The following TNFSF14 variants were observed in gnomAD, a reference collection of about 807,000 sequenced individuals.
TNFSF14 encodes TNF superfamily member 14.
TNFSF14 carries 15 observed loss-of-function variants against 22.7 expected under a neutral mutation model. That is an observed-to-expected ratio of 0.66 (90% confidence interval 0.44 to 1.02). The LOEUF (loss-of-function observed/expected upper bound fraction) is 1.02, where lower values mean the gene tolerates loss of function less well. Ranked by LOEUF, TNFSF14 falls within the 50% of genes least tolerant of loss-of-function variation. The probability of loss-of-function intolerance (pLI) is 0.00; values close to 1 mark genes in which losing one functional copy is unlikely to be tolerated. For missense variants in TNFSF14, 287 were observed against 326.2 expected (o/e 0.88, Z 0.93); for synonymous variants, 133 against 139.6 (o/e 0.95, Z 0.33).
In TNFSF14 at chr19:6,663,722, G is replaced by C. The variant is rs1917319397; in HGVS notation, c.*1204C>G. Reference sequence around the variant, plus strand: ...TGATTGTGTGGTTGTGCATGAATCTGGCACTTCGCGTGTATGAGTCTATAG... The same window carrying C: ...TGATTGTGTGGTTGTGCATGAATCTCGCACTTCGCGTGTATGAGTCTATAG... On this transcript the variant is annotated 3_prime_UTR_variant, in exon 4 of 4. Transcript: ENST00000675206. The C allele has an allele frequency of 6.6e-6, 1 of 152,496 alleles. No individual in the cohort carries two copies. Among genetic ancestry groups the C allele is most frequent in the African/African-American group, 2.4e-5 (1 of 41,450 alleles). 9.4% of individuals were successfully genotyped at this position (152,496 alleles called of 1,614,324 possible).
Position 6,664,973 on chromosome 19 carries a change from G to T in TNFSF14, c.676C>A (p.Arg226=), listed in dbSNP as rs371136658. The change falls in exon 4 of 4, where the codon CGA becomes AGA. Residue 226 remains arginine (R), a synonymous_variant. Coordinates refer to ENST00000675206, the MANE Select transcript of TNFSF14 (RefSeq NM_001376887.1). The surrounding 1 kb of genome is among the most constrained non-coding windows in gnomAD (Gnocchi z 4.7). ...VVRVLDERLV[R]LRDGTRSYFG... ...TAAGACCGGGTACCATCACGCAGTC[G>T]AACCAGGCGTTCATCCAGCACACGG... is the stretch of plus-strand genomic sequence containing the variant. The T allele has an allele frequency of 1.4e-4, 233 of 1,610,504 alleles. No homozygotes were observed. Among genetic ancestry groups the T allele is most frequent in the Non-Finnish European group, 1.9e-4 (218 of 1,177,372 alleles).
intron 3 of TNFSF14, among the ~76,000 whole-genome samples, chr19:6,665,784 C>CGTGTGCGTGT (rs1555681878): frequency 7.1e-6 from 1 of 140,564 alleles, no homozygotes; most frequent in African/African-American, 2.7e-5. Context: ...TGCATGTGTG[C>CGTGTGCGTGT]GTGTGTGTGT....
chr19:6,664,868 G>A lies in TNFSF14; in HGVS notation c.*58C>T. The A allele has an allele frequency of 5.3e-6, 8 of 1,519,332 alleles. No individual in the cohort carries two copies. Among genetic ancestry groups the A allele is most frequent in the Non-Finnish European group, 7.1e-6 (8 of 1,130,920 alleles). 94.1% of individuals were successfully genotyped at this position (1,519,332 alleles called of 1,614,324 possible). ...GCTTCGTGAGTTTTCTTTCCCCTGA[G>A]GCACCCTCTGAGTTCTCCACGTGTC... On this transcript the variant is annotated 3_prime_UTR_variant, in exon 4 of 4. Coordinates refer to ENST00000675206, the MANE Select transcript of TNFSF14 (RefSeq NM_001376887.1). This position sits in a 1 kb window ranked among gnomAD's most constrained non-coding sequence, Gnocchi z 4.7.
chr19:6,670,340 G>C, upstream of TNFSF14: 1 of 1,213,782 alleles, frequency 8.2e-7, no homozygotes, highest in Non-Finnish European at 1.1e-6. Context: ...GGCAAGTGCA[G>C]TGGGGAGCCC....
Position 6,663,383 on chromosome 19 carries a change from T to C in TNFSF14, c.*1543A>G, listed in dbSNP as rs1917301684. 1 of 152,208 alleles carries C rather than the reference T, an allele frequency of 6.6e-6. No homozygotes were observed. Among genetic ancestry groups the C allele is most frequent in the Non-Finnish European group, 1.5e-5 (1 of 68,090 alleles). The allele number at this position is 152,208 out of a possible 1,614,324, so 9.4% of individuals were successfully genotyped here. ...GTGATGTGTGTGTAATGTGTGTTTGTCATCGTGATGTTGTGTGTGTAATGT... is the reference window on the plus strand; with the variant it reads ...GTGATGTGTGTGTAATGTGTGTTTGCCATCGTGATGTTGTGTGTGTAATGT... On this transcript the variant is annotated 3_prime_UTR_variant, in exon 4 of 4. Coordinates refer to ENST00000675206, the MANE Select transcript of TNFSF14 (RefSeq NM_001376887.1).
At position 6,664,114 on chromosome 19, in the gene TNFSF14, G is replaced by C. The variant is rs1917332638; in HGVS notation, c.*812C>G. Reference sequence around the variant, plus strand: ...AGGTGTGGCCACCAGTCTGTGGGTGGGATCTGAGTATGTGGGGTGGGGCTG... The same window carrying C: ...AGGTGTGGCCACCAGTCTGTGGGTGCGATCTGAGTATGTGGGGTGGGGCTG... On this transcript the variant is annotated 3_prime_UTR_variant, in exon 4 of 4. Transcript: ENST00000675206. The surrounding 1 kb of genome is among the most constrained non-coding windows in gnomAD (Gnocchi z 4.7). 1 of 152,242 alleles carries C rather than the reference G, an allele frequency of 6.6e-6. No homozygotes were observed. Among genetic ancestry groups the C allele is most frequent in the South Asian group, 2.1e-4 (1 of 4,836 alleles). The allele number at this position is 152,242 out of a possible 1,614,324, so 9.4% of individuals were successfully genotyped here.
rs80196597 is a variant in TNFSF14, at chr19:6,663,501, G to A, written c.*1425C>T. On this transcript the variant is annotated 3_prime_UTR_variant, in exon 4 of 4. Coordinates refer to ENST00000675206, the MANE Select transcript of TNFSF14 (RefSeq NM_001376887.1). ...TGTATTTGTCATGGTGATATTGTGT[G>A]TGTGTATGTGTGTAACCAGGTCTGA... is the stretch of plus-strand genomic sequence containing the variant. The A allele has an allele frequency of 0.13, 19,354 of 152,530 alleles. 1,328 individuals are homozygous for A. Among genetic ancestry groups the A allele is most frequent in the Middle Eastern group, 0.25 (74 of 294 alleles). The allele number at this position is 152,530 out of a possible 1,614,324, so 9.4% of individuals were successfully genotyped here.
At chr19:6,667,383 T>G in intron 2 of TNFSF14, 30 bp downstream of exon 2, 1 of 1,527,252 alleles carries the variant, frequency 6.5e-7, no homozygotes, top group Non-Finnish European at 8.8e-7. Flanking sequence ...TCATCACACC[T>G]CCTTCCCTGG....
At chr19:6,670,441 TG>T, upstream of TNFSF14, 1 of 305,146 alleles carries the variant, frequency 3.3e-6, no homozygotes, top group Non-Finnish European at 5.5e-6. Flanking sequence ...GCTCTCGGTG[TG>T]GGGGATGCAG....
Position 6,664,559 on chromosome 19 carries a change from G to C in TNFSF14, c.*367C>G, listed in dbSNP as rs1917345742. The C allele has an allele frequency of 6.1e-6, 1 of 164,768 alleles. No individual in the cohort carries two copies. Among genetic ancestry groups the C allele is most frequent in the African/African-American group, 2.4e-5 (1 of 41,710 alleles). 10.2% of individuals were successfully genotyped at this position (164,768 alleles called of 1,614,324 possible). A position where few individuals can be genotyped will look rare whatever the true frequency, so the allele number is the denominator to read the frequency against. The stretch of plus-strand genomic sequence containing the variant: ...TTTTTTCTTCCTTTCTTTTTTTTGA[G>C]GCACAGTCTCACTGCGTTTCCCAGG... On this transcript the variant is annotated 3_prime_UTR_variant, in exon 4 of 4. Transcript: ENST00000675206. This position sits in a 1 kb window ranked among gnomAD's most constrained non-coding sequence, Gnocchi z 4.7.
At position 6,667,446 on chromosome 19, in the gene TNFSF14, C is replaced by G. The variant is rs748127352; in HGVS notation, c.223G>C (p.Gly75Arg). 9.0e-6 allele frequency: 14 copies of G among 1,564,032 alleles called. No individual in the cohort carries two copies. The highest frequency in any genetic ancestry group is 2.8e-5 in the African/African-American group (2 of 71,226). ...AGCTGCTCCCAGGAGCCTGCAGGTCCGTCCTGAAAATGCAGAAGGGGCCTG... is the reference window on the plus strand; with the variant it reads ...AGCTGCTCCCAGGAGCCTGCAGGTCGGTCCTGAAAATGCAGAAGGGGCCTG... ...LGEMVTRLPD[G>R]PAGSWEQLIQ... The change falls in exon 2 of 4, where the codon GGA becomes CGA. Residue 75 changes from glycine (G) to arginine (R), a missense_variant. Gly to Arg is a moderately radical substitution (Grantham distance 125). Coordinates refer to ENST00000675206, the MANE Select transcript of TNFSF14 (RefSeq NM_001376887.1).
At chr19:6,670,213 T>C, upstream of TNFSF14, 9 of 1,428,556 alleles carry the variant, frequency 6.3e-6, no homozygotes, top group East Asian at 5.1e-5. Context: ...CCCCACCCCT[T>C]CCCCCACTCA....
At chr19:6,669,699 ACCAGTCAAG>A in intron 1 of TNFSF14, 143 bp downstream of exon 1, 1 of 1,240,736 alleles carries the variant, frequency 8.1e-7, no homozygotes. Context: ...GGGAGCAGCA[ACCAGTCAAG>A]CCAGCTGCTC....
At chr19:6,668,644 G>A (rs1917498321) in intron 1 of TNFSF14, among the ~76,000 whole-genome samples, 1 of 152,088 alleles carries the variant, frequency 6.6e-6, no homozygotes, top group African/African-American at 2.4e-5. Flanking sequence ...GGGAGGTGGG[G>A]TTGTAGTGAG....
In TNFSF14 at chr19:6,662,992, T is replaced by TA. The variant is rs755195056; in HGVS notation, c.*1933dup. On this transcript the variant is annotated 3_prime_UTR_variant, in exon 4 of 4. Coordinates refer to ENST00000675206, the MANE Select transcript of TNFSF14 (RefSeq NM_001376887.1). ...CTGTAGAATGACCTCCATGGGTCAT[T>TA]ACCTCCATCCCTCTGCCTCTAGGAG... The TA allele has an allele frequency of 6.6e-6, 1 of 152,202 alleles. No individual in the cohort carries two copies. Among genetic ancestry groups the TA allele is most frequent in the South Asian group, 2.1e-4 (1 of 4,834 alleles). 9.4% of individuals were successfully genotyped at this position (152,202 alleles called of 1,614,324 possible). A position where few individuals can be genotyped will look rare whatever the true frequency, so the allele number is the denominator to read the frequency against.
chr19:6,665,789 GT>G (rs1297796128), intron 3 of TNFSF14, among the ~76,000 whole-genome samples: 1 of 106,260 alleles, frequency 9.4e-6, no homozygotes, highest in South Asian at 2.7e-4. Flanking sequence ...GTGTGCGTGT[GT>G]GTGTGTGTGT....
rs1403213931 is a variant in TNFSF14, at chr19:6,661,383, C to T, written c.*3543G>A. The T allele has an allele frequency of 6.6e-6, 1 of 152,220 alleles. No individual in the cohort carries two copies. Among genetic ancestry groups the T allele is most frequent in the Non-Finnish European group, 1.5e-5 (1 of 68,040 alleles). The allele number at this position is 152,220 out of a possible 1,614,324, so 9.4% of individuals were successfully genotyped here. On this transcript the variant is annotated 3_prime_UTR_variant, in exon 4 of 4. Coordinates refer to ENST00000675206, the MANE Select transcript of TNFSF14 (RefSeq NM_001376887.1). ...TTTAGAAGGGGAAGAGGGAGCCGAG[C>T]TGAAGCAATTTTACAGAAGCAAAAC...
chr19:6,662,900 C>T lies in TNFSF14; in HGVS notation c.*2026G>A, dbSNP rs184019677. Reference sequence around the variant, plus strand: ...GATTGGAGAGGAAGCCAGATCCAGACGTGAGGTCTCTGGTTTCCCCCACAT... The same window carrying T: ...GATTGGAGAGGAAGCCAGATCCAGATGTGAGGTCTCTGGTTTCCCCCACAT... On this transcript the variant is annotated 3_prime_UTR_variant, in exon 4 of 4. Transcript: ENST00000675206. 7.2e-5 allele frequency: 11 copies of T among 152,294 alleles called. No homozygotes were observed. Among genetic ancestry groups the T allele is most frequent in the East Asian group, 3.9e-4 (2 of 5,180 alleles). 9.4% of individuals were successfully genotyped at this position (152,294 alleles called of 1,614,324 possible).
chr19:6,669,619 G>GT (rs1215020196), intron 1 of TNFSF14, among the ~76,000 whole-genome samples: 8 of 152,138 alleles, frequency 5.3e-5, no homozygotes, highest in Admixed American at 2.6e-4. Context: ...CGTCCCCTAT[G>GT]AAGAGACTGC....
Sources: allele counts gnomAD v4.1 joint callset (sites outside exome capture counted in the v4.1 genomes callset), GRCh38; gene constraint gnomAD v4.1.1; non-coding constraint Gnocchi (gnomAD v3.1); transcripts MANE v1.5; gene names NCBI Gene and HGNC (gene_info 2026-07-23, HGNC 2026-07-21).